Variants in ATRNL1 observed in about 807,000 individuals in gnomAD.
The protein encoded by ATRNL1 is attractin like 1.
In ATRNL1, 95 loss-of-function variants were observed where a neutral mutation model predicts 182.7. The observed-to-expected ratio is 0.52, with a 90% CI of 0.44 to 0.62. The LOEUF (loss-of-function observed/expected upper bound fraction) is 0.62. Ranked by LOEUF, ATRNL1 falls within the 20% of genes least tolerant of loss-of-function variation. The probability of loss-of-function intolerance (pLI) is 0.00; values close to 1 mark genes in which losing one functional copy is unlikely to be tolerated. For synonymous variants in ATRNL1, 576 were observed against 568.3 expected, an observed-to-expected ratio of 1.01 and a Z score of -0.19; for missense variants, 1,471 against 1,679.5, an observed-to-expected ratio of 0.88 and a Z score of 2.17.
intron 2 of ATRNL1, among the ~76,000 whole-genome samples, chr10:115,121,411 A>G (rs183535570): frequency 4.9e-4 from 74 of 152,296 alleles, no homozygotes; most frequent in African/African-American, 1.5e-3. Context: ...CACCTGGCTG[A>G]ACATTTTTTA....
At chr10:115,279,880 T>A (rs933685680) in intron 13 of ATRNL1, among the ~76,000 whole-genome samples, 19 of 152,188 alleles carry the variant, frequency 1.2e-4, no homozygotes, top group African/African-American at 3.9e-4. Flanking sequence ...CATATATGGT[T>A]GGTTGTTAAA....
At position 115,372,030 on chromosome 10, in the gene ATRNL1, G is replaced by C. The variant is rs181013509; in HGVS notation, c.3176-22629G>C. On this transcript the variant is annotated intron_variant, in intron 19 of 28. Coordinates refer to ENST00000355044, the MANE Select transcript of ATRNL1 (RefSeq NM_207303.4). ...CTGCACAAGCTCTCTTCTTTTGTCTGTTGCCATGTGAGACATACCTTTCAC... is the reference window on the plus strand; with the variant it reads ...CTGCACAAGCTCTCTTCTTTTGTCTCTTGCCATGTGAGACATACCTTTCAC... Among the ~76,000 whole-genome samples, 5 of 152,246 alleles carry C rather than the reference G, an allele frequency of 3.3e-5. No individual in the cohort carries two copies. In the East Asian group the frequency reaches 9.7e-4, roughly 29 times the overall value.
intron 1 of ATRNL1, among the ~76,000 whole-genome samples, chr10:115,106,621 G>A (rs536508232): frequency 6.6e-6 from 1 of 152,244 alleles, no homozygotes; most frequent in African/African-American, 2.4e-5. Context: ...TCTTTCCCGT[G>A]CTATTCTCGT....
intron 26 of ATRNL1, among the ~76,000 whole-genome samples, chr10:115,634,727 A>G (rs1306321374): frequency 3.3e-5 from 5 of 152,180 alleles, no homozygotes; most frequent in Non-Finnish European, 7.4e-5. Flanking sequence ...AAAAATAAAC[A>G]TGCTCAAGAG....
intron 19 of ATRNL1, among the ~76,000 whole-genome samples, chr10:115,351,252 A>G (rs965327686): frequency 8.6e-5 from 13 of 152,032 alleles, no homozygotes; most frequent in South Asian, 2.1e-4. Context: ...TCTTTTGCCT[A>G]ATTACTCTGG....
chr10:115,525,085 G>A (rs902541127), intron 25 of ATRNL1, among the ~76,000 whole-genome samples: 2 of 152,108 alleles, frequency 1.3e-5, no homozygotes, highest in African/African-American at 2.4e-5. Context: ...TTAGTTAATC[G>A]GTTTTGGATT....
At position 115,945,957 on chromosome 10, in the gene ATRNL1, T is replaced by G. The variant is rs1490125223; in HGVS notation, c.*1178T>G. 3 of 152,208 alleles carry G rather than the reference T, an allele frequency of 2.0e-5. No homozygotes were observed. The highest frequency in any genetic ancestry group is 2.9e-5 in the Non-Finnish European group (2 of 68,056). 9.4% of individuals were successfully genotyped at this position (152,208 alleles called of 1,614,324 possible). A position where few individuals can be genotyped will look rare whatever the true frequency, so the allele number is the denominator to read the frequency against. ...GCACACTCTTAGTGACTCAAAATTCTGAATTATGGCAGAAAGGAAAAATAA... is the reference window on the plus strand; with the variant it reads ...GCACACTCTTAGTGACTCAAAATTCGGAATTATGGCAGAAAGGAAAAATAA... On this transcript the variant is annotated 3_prime_UTR_variant, in exon 29 of 29. Transcript: ENST00000355044.
chr10:115,242,355 T>G (rs964722364), intron 10 of ATRNL1, among the ~76,000 whole-genome samples: 1 of 151,982 alleles, frequency 6.6e-6, no homozygotes, highest in Non-Finnish European at 1.5e-5. Flanking sequence ...CCTATCAATT[T>G]CTGAATATTT....
chr10:115,529,886 C>G (rs1851462393), intron 25 of ATRNL1, among the ~76,000 whole-genome samples: 1 of 152,042 alleles, frequency 6.6e-6, no homozygotes. Context: ...AGTAGTCACT[C>G]CCCCCTTTTA....
chr10:115,931,026 A>G (rs1555121482), intron 28 of ATRNL1, among the ~76,000 whole-genome samples: 1 of 152,230 alleles, frequency 6.6e-6, no homozygotes. Context: ...TCTGATAATT[A>G]GGATCCCAAT....
At chr10:115,879,182 C>T (rs79188016) in intron 28 of ATRNL1, among the ~76,000 whole-genome samples, 2,612 of 151,810 alleles carry the variant, frequency 0.017, 74 homozygotes, top group African/African-American at 0.06. Context: ...TGATACATGC[C>T]TGTAGTCCCA....
intron 27 of ATRNL1, among the ~76,000 whole-genome samples, chr10:115,792,886 GA>G (rs751821291): frequency 6.7e-5 from 10 of 150,164 alleles, no homozygotes; most frequent in Non-Finnish European, 7.4e-5. Context: ...TTTTCAGTTT[GA>G]AAAAAAAATC....
chr10:115,144,583 G>A (rs896364032), intron 5 of ATRNL1, among the ~76,000 whole-genome samples: 7 of 152,154 alleles, frequency 4.6e-5, no homozygotes, highest in Non-Finnish European at 7.3e-5. Flanking sequence ...GTGAGCCACC[G>A]TGCCTGGGCC....
intron 27 of ATRNL1, among the ~76,000 whole-genome samples, chr10:115,763,268 A>G (rs1948777127): frequency 6.6e-6 from 1 of 152,204 alleles, no homozygotes; most frequent in Non-Finnish European, 1.5e-5. Flanking sequence ...AATTGGAAAC[A>G]TGAATATAAC....
At chr10:115,132,880 T>C (rs1321721086) in intron 5 of ATRNL1, among the ~76,000 whole-genome samples, 1 of 152,220 alleles carries the variant, frequency 6.6e-6, no homozygotes, top group Non-Finnish European at 1.5e-5. Flanking sequence ...ATTCTGTAGG[T>C]TGCGTTTTCA....
intron 26 of ATRNL1, among the ~76,000 whole-genome samples, chr10:115,560,196 T>A (rs931050142): frequency 6.6e-6 from 1 of 152,188 alleles, no homozygotes; most frequent in Admixed American, 6.5e-5. Flanking sequence ...AAACATATGC[T>A]ATGTGTATTA....
chr10:115,614,272 T>C (rs1857318486), intron 26 of ATRNL1, among the ~76,000 whole-genome samples: 1 of 152,144 alleles, frequency 6.6e-6, no homozygotes. Context: ...ATTCCTTCCA[T>C]GACCCATCAG....
chr10:115,844,294 C>T (rs1555098155), intron 27 of ATRNL1, among the ~76,000 whole-genome samples: 1 of 151,992 alleles, frequency 6.6e-6, no homozygotes. Flanking sequence ...GTGTGATTTA[C>T]AGAAGTGAAT....
rs367623048 is a variant in ATRNL1 at position 115,944,790 on chromosome 10, C to T, written c.*11C>T. The T allele has an allele frequency of 1.5e-5, 24 of 1,612,444 alleles. No homozygotes were observed. The highest frequency in any genetic ancestry group is 2.0e-5 in the Non-Finnish European group (24 of 1,179,142). On this transcript the variant is annotated 3_prime_UTR_variant, in exon 29 of 29. Transcript: ENST00000355044. ...GGAACTTGTGTCTGAGAAATGGAAACCGCTCCTGTATATTCTGTACTGTTT... is the reference window on the plus strand; with the variant it reads ...GGAACTTGTGTCTGAGAAATGGAAATCGCTCCTGTATATTCTGTACTGTTT...
Sources: gnomAD v4.1 joint callset for allele counts (sites outside exome capture counted in the v4.1 genomes callset) on GRCh38, gnomAD v4.1.1 for gene constraint, MANE v1.5 for transcripts, NCBI Gene and HGNC (gene_info 2026-07-23, HGNC 2026-07-21) for gene names.